The following PARD3B variants were observed in gnomAD, a reference collection of about 807,000 sequenced individuals.
PARD3B encodes the protein par-3 family cell polarity regulator beta.
A neutral mutation model predicts 130.2 loss-of-function variants in PARD3B; 103 were observed. The observed-to-expected ratio is 0.79, with a 90% CI of 0.67 to 0.93. The LOEUF is 0.93. PARD3B is among the 40% of genes least tolerant of loss of function. The pLI is 0.00. For synonymous variants in PARD3B, 583 were observed against 553.2 expected (o/e 1.05, Z -0.76); for missense variants, 1,609 against 1,499.2 (o/e 1.07, Z -1.21).
intron 1 of PARD3B, among the ~76,000 whole-genome samples, chr2:204,676,278 T>C (rs535759155): frequency 1.3e-5 from 2 of 152,228 alleles, no homozygotes; most frequent in Admixed American, 1.3e-4. Context: ...AAGACCTTTT[T>C]CTTAAATTTG....
Position 205,220,597 on chromosome 2 carries a change from G to A in PARD3B, c.2141-25181G>A, listed in dbSNP as rs77289434. On this transcript the variant is annotated intron_variant, in intron 15 of 22. Coordinates refer to ENST00000406610, the MANE Select transcript of PARD3B (RefSeq NM_001302769.2). ...TGAACAAAGTAAAGCTCATGTCCAC[G>A]TGAAGCTTATGTTTTCTTGGGGAAG... 2.0e-3 allele frequency among the ~76,000 whole-genome samples: 300 copies of A among 152,262 alleles called. 11 individuals carry two copies. The East Asian group carries it at 0.052, about 26-fold the overall frequency.
chr2:205,007,293 T>G (rs1695347332), intron 3 of PARD3B, among the ~76,000 whole-genome samples: 1 of 152,212 alleles, frequency 6.6e-6, no homozygotes. Flanking sequence ...CCTTTATGTA[T>G]TACCCAGTCT....
At chr2:205,303,187 T>G (rs2042073280) in intron 18 of PARD3B, among the ~76,000 whole-genome samples, 1 of 152,196 alleles carries the variant, frequency 6.6e-6, no homozygotes, top group Non-Finnish European at 1.5e-5. Flanking sequence ...AGGAGCATCC[T>G]ATGGTATGGT....
chr2:205,399,502 G>A (rs1472703591), intron 18 of PARD3B, among the ~76,000 whole-genome samples: 4 of 150,408 alleles, frequency 2.7e-5, no homozygotes, highest in African/African-American at 4.9e-5. Context: ...CTACAGGCAT[G>A]CACCACGACG....
intron 14 of PARD3B, among the ~76,000 whole-genome samples, chr2:205,189,888 C>T (rs531928640): frequency 1.3e-5 from 2 of 152,032 alleles, no homozygotes; most frequent in East Asian, 1.9e-4. Flanking sequence ...TTTTATGAAA[C>T]GTTTTCAAAG....
At chr2:205,353,359 C>A (rs1234895261) in intron 18 of PARD3B, among the ~76,000 whole-genome samples, 2 of 152,178 alleles carry the variant, frequency 1.3e-5, no homozygotes, top group Non-Finnish European at 2.9e-5. Context: ...CAAATTGTCA[C>A]AGAATATCAA....
At chr2:205,417,289 A>G (rs150730663) in intron 19 of PARD3B, among the ~76,000 whole-genome samples, 3,289 of 152,088 alleles carry the variant, frequency 0.022, 101 homozygotes, top group African/African-American at 0.074. Flanking sequence ...ATAATATTCT[A>G]TGGTGTATAT....
chr2:205,478,776 A>T (rs1338855210), intron 20 of PARD3B, among the ~76,000 whole-genome samples: 2 of 152,206 alleles, frequency 1.3e-5, no homozygotes, highest in African/African-American at 4.8e-5. Context: ...AAAGTGTGTG[A>T]GCTTGGACGT....
intron 19 of PARD3B, among the ~76,000 whole-genome samples, chr2:205,424,924 T>C (rs1425259359): frequency 3.3e-5 from 5 of 152,174 alleles, no homozygotes; most frequent in African/African-American, 1.2e-4. Context: ...AAATATAAAC[T>C]GGGAGAATAT....
At chr2:205,510,926 G>T (rs2050565553) in intron 21 of PARD3B, among the ~76,000 whole-genome samples, 1 of 152,142 alleles carries the variant, frequency 6.6e-6, no homozygotes, top group African/African-American at 2.4e-5. Flanking sequence ...GAAAACAAAG[G>T]TTCCAAGACC....
chr2:205,602,612 C>T (rs2054832746), intron 22 of PARD3B, among the ~76,000 whole-genome samples: 1 of 152,070 alleles, frequency 6.6e-6, no homozygotes, highest in Non-Finnish European at 1.5e-5. Context: ...GGTTATGTGT[C>T]CAGGAATTTA....
chr2:205,155,837 A>C (rs1277990370), intron 10 of PARD3B, among the ~76,000 whole-genome samples: 1 of 152,138 alleles, frequency 6.6e-6, no homozygotes, highest in Non-Finnish European at 1.5e-5. Context: ...TGGCTGCATA[A>C]GTGTCTTCCT....
At chr2:204,778,199 T>C (rs1260088676) in intron 2 of PARD3B, among the ~76,000 whole-genome samples, 1 of 152,110 alleles carries the variant, frequency 6.6e-6, no homozygotes, top group Non-Finnish European at 1.5e-5. Context: ...TCTGCTTCCT[T>C]GTGGTCTTAT....
At chr2:205,436,792 C>T (rs1187457481) in intron 19 of PARD3B, among the ~76,000 whole-genome samples, 1 of 152,046 alleles carries the variant, frequency 6.6e-6, no homozygotes, top group Non-Finnish European at 1.5e-5. Flanking sequence ...AGTGAAGTCA[C>T]CTAGATTACT....
intron 4 of PARD3B, among the ~76,000 whole-genome samples, chr2:205,072,516 C>T (rs995391934): frequency 2.6e-5 from 4 of 152,002 alleles, no homozygotes; most frequent in African/African-American, 4.8e-5. Flanking sequence ...CTCCCCAAAG[C>T]GCAGGGATTA....
rs888396895 is a variant in PARD3B at position 205,366,235 on chromosome 2, T to C, written c.2631-34778T>C. ...CATTCCATAAGCACCCATACACTGA[T>C]GGAAAGTGGAGACAGCCCATAGCGC... On this transcript the variant is annotated intron_variant, in intron 18 of 22. Coordinates refer to ENST00000406610, the MANE Select transcript of PARD3B (RefSeq NM_001302769.2). The surrounding 1 kb of genome is among the most constrained non-coding windows in gnomAD (Gnocchi z 5.0). Among the ~76,000 whole-genome samples the C allele has an allele frequency of 6.6e-6, 1 of 152,188 alleles. No homozygotes were observed. The highest frequency in any genetic ancestry group is 1.5e-5 in the Non-Finnish European group (1 of 68,036).
Position 205,113,534 on chromosome 2 carries a change from T to C in PARD3B, c.637T>C (p.Leu213=). The change falls in exon 6 of 23, where the codon TTG becomes CTG. Residue 213 remains leucine (L), a synonymous_variant. Coordinates refer to ENST00000406610, the MANE Select transcript of PARD3B (RefSeq NM_001302769.2). ...TVEISGEGGP[L]GIHVVPFFSS... ...GGAGATTTCTGGGGAAGGAGGCCCATTGGGAATACATGTAGTGCCCTTCTT... is the reference window on the plus strand; with the variant it reads ...GGAGATTTCTGGGGAAGGAGGCCCACTGGGAATACATGTAGTGCCCTTCTT... 1.2e-6 allele frequency: 2 copies of C among 1,613,476 alleles called. No homozygotes were observed. The highest frequency in any genetic ancestry group is 1.7e-6 in the Non-Finnish European group (2 of 1,179,620).
Position 204,610,017 on chromosome 2 carries a change from T to A in PARD3B, c.120+63898T>A, listed in dbSNP as rs997338946. On this transcript the variant is annotated intron_variant, in intron 1 of 22. Coordinates refer to ENST00000406610, the MANE Select transcript of PARD3B (RefSeq NM_001302769.2). This position sits in a 1 kb window ranked among gnomAD's most constrained non-coding sequence, Gnocchi z 4.1. Reference sequence around the variant, plus strand: ...ATGTGACTCTATACCAGAGTCAGGTTGGAACTTGGTGTCTTATTGCCACAA... The same window carrying A: ...ATGTGACTCTATACCAGAGTCAGGTAGGAACTTGGTGTCTTATTGCCACAA... Among the ~76,000 whole-genome samples, 1 of 152,194 alleles carries A rather than the reference T, an allele frequency of 6.6e-6. No homozygotes were observed. The highest frequency in any genetic ancestry group is 2.4e-5 in the African/African-American group (1 of 41,448).
At chr2:205,285,887 T>TGAGTC (rs1479877237) in intron 16 of PARD3B, among the ~76,000 whole-genome samples, 1 of 152,212 alleles carries the variant, frequency 6.6e-6, no homozygotes, top group African/African-American at 2.4e-5. Context: ...TTTGATGAGC[T>TGAGTC]GAGTCCACAT....
Sources: allele counts gnomAD v4.1 joint callset (sites outside exome capture counted in the v4.1 genomes callset), GRCh38; gene constraint gnomAD v4.1.1; non-coding constraint Gnocchi (gnomAD v3.1); transcripts MANE v1.5; gene names NCBI Gene and HGNC (gene_info 2026-07-23, HGNC 2026-07-21).